Variants in RFX3 observed in about 807,000 individuals in gnomAD.
RFX3 encodes regulatory factor X3, also known as transcription factor RFX3.
Under a neutral mutation model 98.6 loss-of-function variants are expected in RFX3, and 14 were observed. That is an observed-to-expected ratio of 0.14 (90% confidence interval 0.09 to 0.22). RFX3 has a LOEUF of 0.22. Ranked by LOEUF, RFX3 falls within the 10% of genes least tolerant of loss-of-function variation. The probability of loss-of-function intolerance (pLI) is 1.00; values close to 1 mark genes in which losing one functional copy is unlikely to be tolerated. For missense variants in RFX3, 639 were observed against 926.9 expected (o/e 0.69, Z 4.03); for synonymous variants, 383 against 328.4 (o/e 1.17, Z -1.80).
intron 2 of RFX3, among the ~76,000 whole-genome samples, chr9:3,362,275 G>T (rs886453740): frequency 3.9e-5 from 6 of 152,180 alleles, no homozygotes; most frequent in Non-Finnish European, 5.9e-5. Context: ...CCATGTCAAA[G>T]AATGTGATGA....
intron 2 of RFX3, among the ~76,000 whole-genome samples, chr9:3,384,628 T>A (rs1839517155): frequency 6.6e-6 from 1 of 152,216 alleles, no homozygotes; most frequent in Non-Finnish European, 1.5e-5. Context: ...ATCCATTGTT[T>A]GAACTGGACT....
chr9:3,370,186 T>TA (rs34364552), intron 2 of RFX3, among the ~76,000 whole-genome samples: 1,410 of 135,498 alleles, frequency 0.01, 24 homozygotes, highest in South Asian at 0.036. Flanking sequence ...TTCAAATTAT[T>TA]AAAAAAAAAA....
At chr9:3,316,773 A>G (rs200179899) in intron 4 of RFX3, among the ~76,000 whole-genome samples, 2 of 152,112 alleles carry the variant, frequency 1.3e-5, no homozygotes, top group Admixed American at 1.3e-4. Context: ...TCACAATTGC[A>G]TCAAAGAGAA....
chr9:3,445,222 T>C (rs1845943055), intron 1 of RFX3, among the ~76,000 whole-genome samples: 1 of 152,200 alleles, frequency 6.6e-6, no homozygotes, highest in Non-Finnish European at 1.5e-5. Context: ...TGTCTGTTTG[T>C]ATTTTTCATA....
intron 1 of RFX3, among the ~76,000 whole-genome samples, chr9:3,399,369 G>C (rs1307970768): frequency 6.6e-6 from 1 of 151,838 alleles, no homozygotes; most frequent in African/African-American, 2.4e-5. Context: ...CCTTGAACTT[G>C]GGAGGCAGAG....
At chr9:3,229,753 T>C (rs373626749) in intron 15 of RFX3, among the ~76,000 whole-genome samples, 1 of 152,198 alleles carries the variant, frequency 6.6e-6, no homozygotes, top group African/African-American at 2.4e-5. Flanking sequence ...AAATTCAGAT[T>C]TCTCAACAGG....
intron 1 of RFX3, among the ~76,000 whole-genome samples, chr9:3,482,896 G>T (rs1166193894): frequency 6.6e-6 from 1 of 151,992 alleles, no homozygotes; most frequent in Non-Finnish European, 1.5e-5. Flanking sequence ...TGTCCACTTG[G>T]GAGCTTATTA....
At chr9:3,273,205 C>A (rs1475448961) in intron 9 of RFX3, among the ~76,000 whole-genome samples, 1 of 152,028 alleles carries the variant, frequency 6.6e-6, no homozygotes, top group East Asian at 1.9e-4. Context: ...AGCTGTATTT[C>A]AAAAGTTTTT....
In RFX3 at chr9:3,220,364, A is replaced by T. The variant is rs1255913365; in HGVS notation, c.*4678T>A. On this transcript the variant is annotated 3_prime_UTR_variant, in exon 17 of 17. Transcript: ENST00000617270. Reference sequence around the variant, plus strand: ...AAAAAGACAAAAAAAAAAGAAACTTAACCCTTTCTTTATACCTTTTAAAGG... The same window carrying T: ...AAAAAGACAAAAAAAAAAGAAACTTTACCCTTTCTTTATACCTTTTAAAGG... 1 of 152,066 alleles carries T rather than the reference A, an allele frequency of 6.6e-6. No homozygotes were observed. The highest frequency in any genetic ancestry group is 1.5e-5 in the Non-Finnish European group (1 of 68,000). 9.4% of individuals were successfully genotyped at this position (152,066 alleles called of 1,614,324 possible). A position where few individuals can be genotyped will look rare whatever the true frequency, so the allele number is the denominator to read the frequency against.
intron 1 of RFX3, among the ~76,000 whole-genome samples, chr9:3,487,678 T>C (rs1367745519): frequency 6.6e-6 from 1 of 152,150 alleles, no homozygotes; most frequent in Admixed American, 6.5e-5. Context: ...TTCGAAACCC[T>C]GTCTCCCAGT....
intron 2 of RFX3, among the ~76,000 whole-genome samples, chr9:3,366,707 T>TTTC (rs1168467882): frequency 1.6e-5 from 2 of 125,224 alleles, no homozygotes; most frequent in Non-Finnish European, 3.3e-5. Flanking sequence ...TCTTTCTTTC[T>TTTC]TTCTTTCTTT....
At chr9:3,401,162 A>G (rs1330644691) in intron 1 of RFX3, among the ~76,000 whole-genome samples, 5 of 152,194 alleles carry the variant, frequency 3.3e-5, no homozygotes, top group African/African-American at 1.2e-4. Context: ...AAACCCAACT[A>G]ATACGTATTT....
At chr9:3,286,212 G>C (rs17715280) in intron 7 of RFX3, among the ~76,000 whole-genome samples, 1,953 of 151,864 alleles carry the variant, frequency 0.013, 20 homozygotes, top group Non-Finnish European at 0.021. Flanking sequence ...AAAAAGTAAA[G>C]GCTACAAGTG....
At chr9:3,341,878 A>G (rs565551299) in intron 3 of RFX3, among the ~76,000 whole-genome samples, 2 of 152,362 alleles carry the variant, frequency 1.3e-5, no homozygotes, top group African/African-American at 2.4e-5. Flanking sequence ...CTGCATCTCA[A>G]TTACAGAATT....
chr9:3,448,917 G>C (rs1006733704), intron 1 of RFX3, among the ~76,000 whole-genome samples: 3 of 152,140 alleles, frequency 2.0e-5, no homozygotes, highest in African/African-American at 7.2e-5. Flanking sequence ...AAACTCCAAA[G>C]AAGTACTGAT....
At chr9:3,242,572 AGC>A (rs1234414981) in intron 15 of RFX3, among the ~76,000 whole-genome samples, 1 of 152,198 alleles carries the variant, frequency 6.6e-6, no homozygotes, top group Non-Finnish European at 1.5e-5. Flanking sequence ...TTTTACTTTA[AGC>A]ACCAATATTT....
chr9:3,303,333 T>C (rs1828890726), intron 4 of RFX3, among the ~76,000 whole-genome samples: 1 of 151,884 alleles, frequency 6.6e-6, no homozygotes, highest in African/African-American at 2.4e-5. Flanking sequence ...TGCTTTTTTT[T>C]CAAAGAGAAA....
intron 1 of RFX3, among the ~76,000 whole-genome samples, chr9:3,403,355 T>C (rs1564054881): frequency 6.6e-6 from 1 of 152,166 alleles, no homozygotes; most frequent in Non-Finnish European, 1.5e-5. Context: ...ATAAAAACGC[T>C]GCCTCTTTAT....
intron 2 of RFX3, among the ~76,000 whole-genome samples, chr9:3,366,688 T>TC (rs1714729599): frequency 8.1e-5 from 11 of 135,680 alleles, no homozygotes; most frequent in Admixed American, 3.0e-4. Context: ...CTTTCTTCTT[T>TC]CTTTCCTTTC....
Sources: gnomAD v4.1 joint callset for allele counts (sites outside exome capture counted in the v4.1 genomes callset) on GRCh38, gnomAD v4.1.1 for gene constraint, MANE v1.5 for transcripts, NCBI Gene and HGNC (gene_info 2026-07-23, HGNC 2026-07-21) for gene names.